Variants in CHD2 observed in about 807,000 individuals in gnomAD.
CHD2 encodes the protein chromodomain helicase DNA binding protein 2.
CHD2 carries 28 observed loss-of-function variants against 243.9 expected under a neutral mutation model. That is an observed-to-expected ratio of 0.11 (90% CI 0.09 to 0.16). The LOEUF (loss-of-function observed/expected upper bound fraction) is 0.16. Among genes scored for constraint, CHD2 ranks in the 10% least tolerant of loss-of-function variants. CHD2 has a pLI of 1.00. For synonymous variants in CHD2, 775 were observed against 779.0 expected (o/e 0.99, Z 0.09); for missense variants, 1,386 against 2,209.8 (o/e 0.63, Z 7.47).
intron 20 of CHD2, among the ~76,000 whole-genome samples, chr15:92,977,441 G>A (rs1330962986): frequency 6.6e-6 from 1 of 152,164 alleles, no homozygotes; most frequent in Non-Finnish European, 1.5e-5. Context: ...GCTTCTCTCT[G>A]CTACAAAGGC....
rs1567160928 is a variant in CHD2, at chr15:93,004,675, A to G, written c.4337A>G (p.His1446Arg). The G allele has an allele frequency of 6.2e-7, 1 of 1,613,808 alleles. No homozygotes were observed. Among genetic ancestry groups the G allele is most frequent in the Non-Finnish European group, 8.5e-7 (1 of 1,179,872 alleles). The change falls in exon 34 of 39, where the codon CAT becomes CGT. Residue 1446 changes from histidine to arginine, a missense_variant. His to Arg is a conservative substitution (Grantham distance 29, BLOSUM62 0). Coordinates refer to ENST00000394196, the MANE Select transcript of CHD2 (RefSeq NM_001271.4). ...TCAAAGCGATCTCAGGGTCCTGTCC[A>G]TATTACAGCAGGAAGTGAACCTGTC... ...SKSKRSQGPV[H>R]ITAGSEPVPI... is the part of the protein sequence containing the mutation.
intron 28 of CHD2, among the ~76,000 whole-genome samples, chr15:92,993,669 G>A (rs1386360584): frequency 6.7e-6 from 1 of 148,640 alleles, no homozygotes; most frequent in Admixed American, 6.6e-5. Flanking sequence ...GAGGCCAGGC[G>A]CAGTGGCTCA....
Position 92,904,469 on chromosome 15 carries a change from A to G in CHD2, c.62+3170A>G, listed in dbSNP as rs1393104290. The G allele has an allele frequency of 4.0e-6, 4 of 988,862 alleles. No homozygotes were observed. The African/African-American group carries it at 5.3e-5, about 13-fold the overall frequency. The allele number at this position is 988,862 out of a possible 1,614,324, so 61.3% of individuals were successfully genotyped here. On this transcript the variant is annotated intron_variant, in intron 2 of 38. Coordinates refer to ENST00000394196, the MANE Select transcript of CHD2 (RefSeq NM_001271.4). ...ATGTCGGGCGCTTTCTCCTCCCCCTACCCAGGGAGCCGCACGCCGAGGGGA... is the reference window on the plus strand; with the variant it reads ...ATGTCGGGCGCTTTCTCCTCCCCCTGCCCAGGGAGCCGCACGCCGAGGGGA...
chr15:93,012,104 A>C (rs138781739), intron 35 of CHD2, among the ~76,000 whole-genome samples: 2 of 152,286 alleles, frequency 1.3e-5, no homozygotes, highest in African/African-American at 4.8e-5. Context: ...TATAACATTG[A>C]TGAGAAAAAA....
At position 92,967,469 on chromosome 15, in the gene CHD2, G is replaced by A. The variant is rs768620628; in HGVS notation, c.2145G>A (p.Gln715=). The A allele has an allele frequency of 6.2e-7, 1 of 1,613,898 alleles. No individual in the cohort carries two copies. The highest frequency in any genetic ancestry group is 1.3e-5 in the African/African-American group (1 of 74,892). The change falls in exon 17 of 39, where the codon CAG becomes CAA. Residue 715 remains glutamine, a synonymous_variant. Transcript: ENST00000394196. ...VEKSLPAKVE[Q]ILRVEMSALQ... is the part of the protein sequence containing the mutation. ...AATCCCTTCCTGCTAAAGTGGAACA[G>A]ATTCTCAGGGTGGAGATGTCAGCCC...
chr15:93,003,812 A>G (rs1299388981), intron 33 of CHD2, among the ~76,000 whole-genome samples: 1 of 123,104 alleles, frequency 8.1e-6, no homozygotes, highest in African/African-American at 3.0e-5. Flanking sequence ...TAAACAAAGC[A>G]TACTGTATGC....
intron 37 of CHD2, among the ~76,000 whole-genome samples, chr15:93,017,492 A>ATTTT (rs760713016): frequency 1.0e-4 from 10 of 96,826 alleles, no homozygotes; most frequent in Admixed American, 9.0e-4. Context: ...TGCCGGGCTA[A>ATTTT]TTTTTTTTTT....
In CHD2 at chr15:92,998,610, G is replaced by A. The variant is rs765941790; in HGVS notation, c.3997G>A (p.Gly1333Ser). ...TCTGGAGAAGAAGGGGGCTGTGACA[G>A]GTGGGGAAGAGGTGAGTACGCTGCC... ...KGLEKKGAVT[G>S]GEEAKLKKRK... Residue 1333 changes from glycine (G) to serine (S), a missense_variant, in exon 31 of 39, where the codon GGT (glycine) becomes AGT (serine). By Grantham distance (56) the Gly-to-Ser change is moderately conservative. Transcript: ENST00000394196. The surrounding 1 kb of genome is among the most constrained non-coding windows in gnomAD (Gnocchi z 5.1). The A allele has an allele frequency of 6.2e-7, 1 of 1,612,528 alleles. No individual in the cohort carries two copies. The highest frequency in any genetic ancestry group is 8.5e-7 in the Non-Finnish European group (1 of 1,179,876).
At chr15:92,931,909 CTGGG>C (rs2053174928) in intron 5 of CHD2, among the ~76,000 whole-genome samples, 1 of 146,172 alleles carries the variant, frequency 6.8e-6, no homozygotes, top group Non-Finnish European at 1.5e-5. Context: ...TGTCGCCAGG[CTGGG>C]GTACAGTGGC....
chr15:92,941,982 A>AT, intron 8 of CHD2, 27 bp downstream of exon 8: 3 of 1,600,394 alleles, frequency 1.9e-6, no homozygotes, highest in Non-Finnish European at 2.6e-6. Context: ...AGCAAATTAC[A>AT]TTTTATGTAT....
intron 16 of CHD2, chr15:92,965,317 G>A (rs2053743073): frequency 1.3e-5 from 2 of 152,074 alleles, no homozygotes; most frequent in Admixed American, 6.5e-5. Flanking sequence ...AGCACTTTGG[G>A]AGGCTGAGGT....
intron 13 of CHD2, among the ~76,000 whole-genome samples, chr15:92,949,792 C>G (rs1322659378): frequency 6.6e-6 from 1 of 152,188 alleles, no homozygotes; most frequent in Admixed American, 6.5e-5. Context: ...AAGGAATTTT[C>G]TCAGCAAGGC....
intron 33 of CHD2, among the ~76,000 whole-genome samples, chr15:93,003,890 C>T (rs2054288367): frequency 6.6e-6 from 1 of 151,654 alleles, no homozygotes; most frequent in South Asian, 2.1e-4. Flanking sequence ...CTTTGGGAGG[C>T]CGAGGTGGAC....
At chr15:93,023,401 T>A (rs2054556112) in intron 38 of CHD2, among the ~76,000 whole-genome samples, 1 of 152,252 alleles carries the variant, frequency 6.6e-6, no homozygotes, top group Non-Finnish European at 1.5e-5. Context: ...CCACATTTTG[T>A]TTATCCATTC....
intron 2 of CHD2, among the ~76,000 whole-genome samples, chr15:92,920,333 T>C (rs1335230899): frequency 6.6e-6 from 1 of 152,230 alleles, no homozygotes; most frequent in Non-Finnish European, 1.5e-5. Context: ...ATCAGAGATA[T>C]TTGCAACTTA....
At chr15:92,944,835 T>G (rs1475260770) in intron 10 of CHD2, 1 of 165,154 alleles carries the variant, frequency 6.1e-6, no homozygotes, top group Non-Finnish European at 1.3e-5. Flanking sequence ...TAAGTTTGAT[T>G]TACTTCTTAG....
intron 2 of CHD2, among the ~76,000 whole-genome samples, chr15:92,903,970 G>A (rs563715630): frequency 6.6e-6 from 1 of 152,306 alleles, no homozygotes; most frequent in South Asian, 2.1e-4. Flanking sequence ...ACTAGAACAG[G>A]CAGTTTAACT....
intron 37 of CHD2, among the ~76,000 whole-genome samples, chr15:93,017,616 G>C (rs1481149860): frequency 2.0e-5 from 3 of 151,078 alleles, no homozygotes; most frequent in Non-Finnish European, 4.4e-5. Flanking sequence ...CAAAGTGTTG[G>C]GATAACAGGC....
At position 93,004,725 on chromosome 15, in the gene CHD2, G is replaced by T; in HGVS notation, c.4387G>T (p.Asp1463Tyr). ...PVPIGEDEDD[D>Y]LDQETFSICK... ...CCCCATTGGAGAGGATGAGGATGAT[G>T]ATCTGGACCAGGAGACATTCAGCAT... is the stretch of plus-strand genomic sequence containing the variant. Residue 1463 changes from aspartate (D) to tyrosine (Y), a missense_variant, in exon 34 of 39, where the codon GAT becomes TAT. Around this residue, in one of 19 missense-constraint regions of CHD2, gnomAD observed 22 missense variants for 60.2 expected, o/e 0.37. Transcript: ENST00000394196. 6.2e-7 allele frequency: 1 copy of T among 1,613,326 alleles called. No homozygotes were observed. The highest frequency in any genetic ancestry group is 8.5e-7 in the Non-Finnish European group (1 of 1,179,514).
Sources: gnomAD v4.1 joint callset for allele counts (sites outside exome capture counted in the v4.1 genomes callset) on GRCh38, gnomAD v4.1.1 for gene constraint, gnomAD v4.1.1 regional missense constraint, Gnocchi (gnomAD v3.1) non-coding constraint, MANE v1.5 for transcripts, NCBI Gene and HGNC (gene_info 2026-07-23, HGNC 2026-07-21) for gene names.